OTOG: variants seen among roughly 807,000 people sequenced by gnomAD.
The protein encoded by OTOG is otogelin.
OTOG carries 296 observed loss-of-function variants against 313.8 expected under a neutral mutation model. That is an observed-to-expected ratio of 0.94 (90% CI 0.86 to 1.04). The LOEUF (loss-of-function observed/expected upper bound fraction) is 1.04. Among genes scored for constraint, OTOG ranks in the 50% least tolerant of loss-of-function variants. The pLI, the probability that OTOG is intolerant of heterozygous loss-of-function variation, is 0.00. For missense variants in OTOG, 3,948 were observed against 3,840.1 expected (o/e 1.03, Z -0.74); for synonymous variants, 1,533 against 1,554.9 (o/e 0.99, Z 0.33).
intron 17 of OTOG, among the ~76,000 whole-genome samples, chr11:17,571,819 TTGAA>T (rs1197798852): frequency 6.6e-6 from 1 of 152,110 alleles, no homozygotes; most frequent in African/African-American, 2.4e-5. Context: ...TTCTATGTGT[TTGAA>T]TGTGGCTGTG....
chr11:17,569,250 T>C lies in OTOG; in HGVS notation c.1739T>C (p.Leu580Pro). 6.4e-7 allele frequency: 1 copy of C among 1,550,596 alleles called. No individual in the cohort carries two copies. Among genetic ancestry groups the C allele is most frequent in the East Asian group, 2.4e-5 (1 of 40,920 alleles). The stretch of plus-strand genomic sequence containing the variant: ...CTGACCCAGGCAGGGGATGTCCTTC[T>C]GTTTGACCAGTACAAGATCATCCCG... ...VTLTQAGDVLLFDQYKIIPPY... is the reference protein window; with the variant it reads ...VTLTQAGDVLPFDQYKIIPPY... Residue 580 changes from leucine to proline, a missense_variant, in exon 16 of 56, where the codon CTG becomes CCG. Physicochemically the swap from Leu to Pro is moderately conservative, Grantham distance 98. Transcript: ENST00000399397.
At chr11:17,554,146 T>TC (rs1852004800) in intron 6 of OTOG, among the ~76,000 whole-genome samples, 1 of 151,888 alleles carries the variant, frequency 6.6e-6, no homozygotes, top group South Asian at 2.1e-4. Flanking sequence ...ATGATGGAGG[T>TC]CCTGGGTGAC....
rs561870608 is a variant in OTOG, at chr11:17,631,695, C to G, written c.6713-7C>G. 1.9e-5 allele frequency: 30 copies of G among 1,548,764 alleles called. No individual in the cohort carries two copies. Among genetic ancestry groups the G allele is most frequent in the Non-Finnish European group, 2.6e-5 (30 of 1,145,488 alleles). On this transcript the variant is annotated splice_region_variant and splice_polypyrimidine_tract_variant and intron_variant, in intron 40 of 55. Coordinates refer to ENST00000399397, the MANE Select transcript of OTOG (RefSeq NM_001292063.2). ...CGTGGCTGTTGGGATTGTTTGGCCC[C>G]TTTCAGGTATCTGTGATGGAGATGC...
At chr11:17,643,439 TC>T in intron 53 of OTOG, 21 bp from the exon 54 acceptor site, 2 of 1,411,580 alleles carry the variant, frequency 1.4e-6, no homozygotes, top group South Asian at 1.7e-5. Context: ...CCTACCTACC[TC>T]CCCCGACTTC....
At chr11:17,629,338 G>C (rs561271579) in intron 40 of OTOG, 22 bp downstream of exon 40, 5 of 1,536,992 alleles carry the variant, frequency 3.3e-6, no homozygotes, top group Non-Finnish European at 4.4e-6. Context: ...CCCAGCTTGC[G>C]GGGAGGGGAT....
At chr11:17,603,685 C>T (rs940673320) in intron 32 of OTOG, among the ~76,000 whole-genome samples, 5 of 152,116 alleles carry the variant, frequency 3.3e-5, no homozygotes, top group Non-Finnish European at 7.4e-5. Flanking sequence ...CCAGGTGGGA[C>T]CTAGGGTGGC....
chr11:17,613,552 C>T (rs1429134565), intron 38 of OTOG, 60 bp from the exon 39 acceptor site: 3 of 1,401,238 alleles, frequency 2.1e-6, no homozygotes, highest in African/African-American at 1.4e-5. Flanking sequence ...TGTGCCCACT[C>T]ACTTGGAGGG....
chr11:17,592,391 T>C (rs1426164890), intron 25 of OTOG, among the ~76,000 whole-genome samples: 2 of 152,254 alleles, frequency 1.3e-5, no homozygotes, highest in Non-Finnish European at 2.9e-5. Context: ...AAGATGAAGA[T>C]AATTGACCTC....
rs557335789 is a variant in OTOG at position 17,605,952 on chromosome 11, C to T, written c.3973C>T (p.Arg1325Cys). ...GSLELAKWQG[R>C]DTFQQHASFL... ...TCTGGAGCTGGCTAAGTGGCAGGGC[C>T]GTGACACCTTCCAACAGCATGCCTC... Residue 1325 changes from arginine to cysteine, a missense_variant, in exon 33 of 56, where the codon CGT becomes TGT. Transcript: ENST00000399397. 1,304 of 1,550,608 alleles carry T rather than the reference C, an allele frequency of 8.4e-4. 14 individuals carry two copies. In the South Asian group the frequency reaches 0.014, roughly 16 times the overall value.
intron 36 of OTOG, 24 bp from the exon 37 acceptor site, chr11:17,612,138 A>G (rs1282030076): frequency 6.5e-6 from 10 of 1,548,292 alleles, no homozygotes; most frequent in Non-Finnish European, 8.7e-6. Context: ...ATGGTCACTC[A>G]CACTTCCTCC....
chr11:17,556,707 CTGTACCAGGAAAA>C (rs1017816134), intron 7 of OTOG, among the ~76,000 whole-genome samples: 1 of 152,202 alleles, frequency 6.6e-6, no homozygotes, highest in Non-Finnish European at 1.5e-5. Context: ...CTAGGGGTCC[CTGTACCAGGAAAA>C]CTGGGAAAGT....
rs950735440 is a variant in OTOG, at chr11:17,634,175, G to T, written c.7374G>T (p.Pro2458=). ...GCCAAGCCCCAGACACCATTGTCCCGGTGGATCTGGGCTGCCCCAGTCCCC... is the reference window on the plus strand; with the variant it reads ...GCCAAGCCCCAGACACCATTGTCCCTGTGGATCTGGGCTGCCCCAGTCCCC... ...HQCQAPDTIV[P]VDLGCPSPRP... is the part of the protein sequence containing the mutation. Residue 2458 remains proline (P), a synonymous_variant, in exon 44 of 56, where the codon CCG becomes CCT. Coordinates refer to ENST00000399397, the MANE Select transcript of OTOG (RefSeq NM_001292063.2). 1 of 1,550,134 alleles carries T rather than the reference G, an allele frequency of 6.5e-7. No homozygotes were observed. Among genetic ancestry groups the T allele is most frequent in the Non-Finnish European group, 8.7e-7 (1 of 1,146,948 alleles).
intron 54 of OTOG, 53 bp from the exon 55 acceptor site, chr11:17,645,510 GC>G: frequency 6.6e-7 from 1 of 1,523,616 alleles, no homozygotes; most frequent in Non-Finnish European, 8.9e-7. Flanking sequence ...CCATCCTGCT[GC>G]CCCGAAGAAG....
chr11:17,638,461 C>T lies in OTOG; in HGVS notation c.7806C>T (p.Asn2602=), dbSNP rs1847899568. ...TCTCCTTCCCCACAGTGTGTGAGAA[C>T]TTCCGCTGTCCCCAAGTGCAGTGTG... ...CCPLYQCVCE[N]FRCPQVQCGL... Residue 2602 remains asparagine, a synonymous_variant, in exon 48 of 56, where the codon AAC becomes AAT. Transcript: ENST00000399397. The T allele has an allele frequency of 1.3e-6, 2 of 1,548,992 alleles. No individual in the cohort carries two copies. The highest frequency in any genetic ancestry group is 1.7e-6 in the Non-Finnish European group (2 of 1,146,836).
intron 48 of OTOG, 53 bp downstream of exon 48, chr11:17,638,602 G>A (rs1045473350): frequency 1.2e-5 from 19 of 1,527,278 alleles, no homozygotes; most frequent in Non-Finnish European, 1.7e-5. Flanking sequence ...TGGCCCTGCT[G>A]AGGAGGGATT....
At chr11:17,620,946 A>T (rs1304786837) in intron 39 of OTOG, among the ~76,000 whole-genome samples, 2 of 152,034 alleles carry the variant, frequency 1.3e-5, no homozygotes, top group African/African-American at 4.8e-5. Flanking sequence ...CACAAGTTTG[A>T]TTTGGGTCTT....
At chr11:17,593,793 G>A in intron 27 of OTOG, 37 bp downstream of exon 27, 1 of 1,541,224 alleles carries the variant, frequency 6.5e-7, no homozygotes, top group East Asian at 2.5e-5. Flanking sequence ...CTCCTGCCTG[G>A]GGCTAAGCCA....
intron 34 of OTOG, 51 bp downstream of exon 34, chr11:17,608,464 GTGTGTGCACTCACATA>G: frequency 8.1e-7 from 1 of 1,229,960 alleles, no homozygotes; most frequent in South Asian, 1.6e-5. Context: ...GCACTAGTGT[GTGTGTGCACTCACATA>G]CACTTGTGTA....
At chr11:17,627,158 G>A (rs7126297) in intron 39 of OTOG, among the ~76,000 whole-genome samples, 32,934 of 152,024 alleles carry the variant, frequency 0.22, 4,279 homozygotes, top group African/African-American at 0.36. Flanking sequence ...TACTATGTTG[G>A]ATAACAGTGG....
Sources: allele counts gnomAD v4.1 joint callset (sites outside exome capture counted in the v4.1 genomes callset), GRCh38; gene constraint gnomAD v4.1.1; transcripts MANE v1.5; gene names NCBI Gene and HGNC (gene_info 2026-07-23, HGNC 2026-07-21).